Variants in CFAP95 observed in about 807,000 individuals in gnomAD.
CFAP95 encodes the protein cilia and flagella associated protein 95.
chr9:69,844,368 T>A, the CFAP95 span: 1 of 497,374 alleles, frequency 2.0e-6, no homozygotes, highest in Admixed American at 3.9e-5. Flanking sequence ...TGAAAAGAGA[T>A]GGAAAATACT....
At chr9:69,904,526 A>G in the CFAP95 span, among the ~76,000 whole-genome samples, 1 of 152,220 alleles carries the variant, frequency 6.6e-6, no homozygotes, top group African/African-American at 2.4e-5. Context: ...TTCTGCTACC[A>G]GAATCACTTT....
the CFAP95 span, among the ~76,000 whole-genome samples, chr9:69,863,825 A>G: frequency 6.6e-6 from 1 of 152,184 alleles, no homozygotes; most frequent in South Asian, 2.1e-4. Context: ...TTAAATATAC[A>G]CATAGAGTTC....
the CFAP95 span, chr9:69,858,052 T>A: frequency 7.1e-7 from 1 of 1,405,216 alleles, no homozygotes. Context: ...GGGGCAAAGG[T>A]ATGACAGGGT....
the CFAP95 span, among the ~76,000 whole-genome samples, chr9:69,841,164 T>TTTTATATATATATATATATATA: frequency 0.013 from 745 of 55,890 alleles, 54 homozygotes; most frequent in Non-Finnish European, 0.015. Context: ...CCAAGCTGGA[T>TTTTATATATATATATATATATA]TATATATATA....
chr9:69,891,133 T>C, the CFAP95 span, among the ~76,000 whole-genome samples: 1 of 152,228 alleles, frequency 6.6e-6, no homozygotes, highest in East Asian at 1.9e-4. Flanking sequence ...AGAAAGTTTT[T>C]AACAGAGAAT....
At chr9:69,869,204 T>C in the CFAP95 span, among the ~76,000 whole-genome samples, 1 of 152,234 alleles carries the variant, frequency 6.6e-6, no homozygotes, top group Non-Finnish European at 1.5e-5. Flanking sequence ...CTCATCTTCA[T>C]TGCAGCATTA....
At chr9:69,825,280 G>C in the CFAP95 span, among the ~76,000 whole-genome samples, 1 of 152,128 alleles carries the variant, frequency 6.6e-6, no homozygotes, top group Non-Finnish European at 1.5e-5. Context: ...CTGTATCTGG[G>C]AGAAATTCTG....
At chr9:69,865,736 T>G in the CFAP95 span, among the ~76,000 whole-genome samples, 2 of 152,186 alleles carry the variant, frequency 1.3e-5, no homozygotes, top group Non-Finnish European at 1.5e-5. Flanking sequence ...ACAGTTCTGA[T>G]GACATTCTTC....
At chr9:69,826,083 T>C in the CFAP95 span, among the ~76,000 whole-genome samples, 6 of 152,196 alleles carry the variant, frequency 3.9e-5, no homozygotes, top group Non-Finnish European at 7.3e-5. Flanking sequence ...TAGGGAATTT[T>C]GTAGTTTTAA....
the CFAP95 span, among the ~76,000 whole-genome samples, chr9:69,895,940 C>A: frequency 2.5e-4 from 38 of 152,118 alleles, no homozygotes; most frequent in Non-Finnish European, 4.6e-4. Flanking sequence ...GGATTACAGG[C>A]GTGAGCTGCT....
At chr9:69,904,098 A>C in the CFAP95 span, among the ~76,000 whole-genome samples, 5 of 152,106 alleles carry the variant, frequency 3.3e-5, no homozygotes, top group Admixed American at 2.6e-4. Flanking sequence ...AAAGTGTACA[A>C]TTCAGTGTTT....
chr9:69,846,097 A>T, the CFAP95 span, among the ~76,000 whole-genome samples: 1 of 152,172 alleles, frequency 6.6e-6, no homozygotes, highest in South Asian at 2.1e-4. Flanking sequence ...TTTGGTCCTT[A>T]AAAAACATTT....
the CFAP95 span, chr9:69,844,377 C>A: frequency 1.9e-6 from 1 of 516,272 alleles, no homozygotes; most frequent in South Asian, 3.8e-5. Flanking sequence ...ATGGAAAATA[C>A]TTTATATGTC....
At chr9:69,861,929 C>A in the CFAP95 span, among the ~76,000 whole-genome samples, 3 of 152,102 alleles carry the variant, frequency 2.0e-5, no homozygotes, top group Non-Finnish European at 4.4e-5. Flanking sequence ...TGCCACTCCA[C>A]TCCCCATAAC....
chr9:69,869,386 G>A, the CFAP95 span, among the ~76,000 whole-genome samples: 184 of 152,236 alleles, frequency 1.2e-3, 1 homozygote, highest in African/African-American at 4.3e-3. Context: ...TCACTTCTAC[G>A]TGGAATCTAA....
chr9:69,895,481 T>TATTTG, the CFAP95 span, among the ~76,000 whole-genome samples: 2 of 151,988 alleles, frequency 1.3e-5, no homozygotes, highest in African/African-American at 4.8e-5. Flanking sequence ...CAGATTCTAC[T>TATTTG]ATTTGATTTG....
chr9:69,837,663 G>T, the CFAP95 span, among the ~76,000 whole-genome samples: 4 of 152,058 alleles, frequency 2.6e-5, no homozygotes, highest in East Asian at 3.9e-4. Flanking sequence ...TGTGAAAATT[G>T]TTTCCCATTT....
At chr9:69,853,088 A>G in the CFAP95 span, among the ~76,000 whole-genome samples, 1 of 152,212 alleles carries the variant, frequency 6.6e-6, no homozygotes, top group Non-Finnish European at 1.5e-5. Flanking sequence ...TCAGAGGAAT[A>G]TACTTTCTGG....
the CFAP95 span, among the ~76,000 whole-genome samples, chr9:69,832,620 A>ATTTTTTTTTTTTTTTTTT: frequency 6.2e-4 from 7 of 11,350 alleles, 2 homozygotes; most frequent in Admixed American, 1.8e-3. Flanking sequence ...GTCTATTCGG[A>ATTTTTTTTTTTTTTTTTT]TTTTTTTTTT....
Sources: allele counts gnomAD v4.1 joint callset (sites outside exome capture counted in the v4.1 genomes callset), GRCh38; gene constraint gnomAD v4.1.1; transcripts MANE v1.5; gene names NCBI Gene and HGNC (gene_info 2026-07-23, HGNC 2026-07-21).